CHTF18: variants seen among roughly 807,000 people sequenced by gnomAD.
The protein encoded by CHTF18 is chromosome transmission fidelity protein 18 homolog.
A neutral mutation model predicts 113.4 loss-of-function variants in CHTF18; 151 were observed. The observed-to-expected ratio is 1.33, with a 90% CI of 1.17 to 1.52. The LOEUF is 1.52. Among genes scored for constraint, CHTF18 ranks in the 40% most tolerant of loss-of-function variants. The pLI is 0.00. For missense variants in CHTF18, 1,982 were observed against 1,381.6 expected, an observed-to-expected ratio of 1.43 and a Z score of -6.89; for synonymous variants, 916 against 598.8, an observed-to-expected ratio of 1.53 and a Z score of -7.74.
In CHTF18 at chr16:790,564, G is replaced by T. The variant is rs2042168046; in HGVS notation, c.792G>T (p.Gly264=). 6.3e-7 allele frequency: 1 copy of T among 1,597,130 alleles called. No individual in the cohort carries two copies. Among genetic ancestry groups the T allele is most frequent in the African/African-American group, 1.3e-5 (1 of 74,508 alleles). ...SGEEEAAQPL[G]APEEEPTDGQ... ...AGGAGGAGGCAGCCCAGCCCTTGGG[G>T]GCCCCTGAGGAGGAGCCGACTGACG... The change falls in exon 7 of 22, where the codon GGG becomes GGT. Residue 264 remains glycine, a synonymous_variant. Coordinates refer to ENST00000262315, the MANE Select transcript of CHTF18 (RefSeq NM_022092.3).
intron 15 of CHTF18, 39 bp from the exon 16 acceptor site, chr16:795,093 G>A: frequency 5.4e-6 from 8 of 1,478,172 alleles, no homozygotes; most frequent in Non-Finnish European, 6.4e-6. Flanking sequence ...CACCTTCCCT[G>A]GGGTGGGCAG....
intron 14 of CHTF18, chr16:793,826 G>A: frequency 1.6e-6 from 1 of 639,472 alleles, no homozygotes; most frequent in Non-Finnish European, 2.8e-6. Flanking sequence ...AGAGGGTCAG[G>A]GCAGGGCTCC....
intron 4 of CHTF18, 190 bp from the exon 5 acceptor site, chr16:789,987 C>G: frequency 6.5e-7 from 1 of 1,535,252 alleles, no homozygotes; most frequent in Non-Finnish European, 8.7e-7. Context: ...CCTAAAGCTG[C>G]CCCCAATTTC....
At chr16:795,508 CCCGTGTGGCTGCCCCCGGCCCCGTG>C (rs2151648824) in intron 16 of CHTF18, among the ~76,000 whole-genome samples, 152 bp downstream of exon 16, 1 of 59,756 alleles carries the variant, frequency 1.7e-5, no homozygotes, top group East Asian at 6.2e-4. Context: ...AAACACACTG[CCCGTGTGGCTGCCCCCGGCCCCGTG>C]CCCGCCCCCC....
intron 18 of CHTF18, 53 bp downstream of exon 18, chr16:796,130 C>A: frequency 6.4e-7 from 1 of 1,562,646 alleles, no homozygotes; most frequent in South Asian, 1.2e-5. Flanking sequence ...CCCGGCTGTG[C>A]TCCATGTTCA....
In CHTF18 at chr16:794,124, C is replaced by G. The variant is rs2042274986; in HGVS notation, c.1873C>G (p.Leu625Val). ...LLLGDGDAGSLTSASQRFYRV... is the reference protein window; with the variant it reads ...LLLGDGDAGSVTSASQRFYRV... Reference sequence around the variant, plus strand: ...GCTGGGTGACGGGGACGCGGGCTCCCTCACCTCCGCCTCACAGCGATTCTA... The same window carrying G: ...GCTGGGTGACGGGGACGCGGGCTCCGTCACCTCCGCCTCACAGCGATTCTA... The change falls in exon 15 of 22, where the codon CTC becomes GTC. Residue 625 changes from leucine (L) to valine (V), a missense_variant. Leu to Val is a conservative substitution (Grantham distance 32). Transcript: ENST00000262315. The G allele has an allele frequency of 6.2e-7, 1 of 1,612,454 alleles. No homozygotes were observed. The highest frequency in any genetic ancestry group is 1.7e-5 in the Admixed American group (1 of 60,004).
chr16:789,971 C>T (rs754451227), intron 4 of CHTF18: 64 of 1,534,790 alleles, frequency 4.2e-5, no homozygotes, highest in Middle Eastern at 3.3e-4. Flanking sequence ...CCCTTTCCTC[C>T]TTTCTCCTAA....
intron 14 of CHTF18, chr16:793,814 CCA>C (rs2042265785): frequency 1.5e-6 from 1 of 651,856 alleles, no homozygotes; most frequent in Non-Finnish European, 2.7e-6. Context: ...TCCCCTAACC[CCA>C]GAGGGTCAGG....
Position 797,743 on chromosome 16 carries a change from C to CGA in CHTF18, c.2785_2786dup (p.Ser929ArgfsTer74), listed in dbSNP as rs2042394874. Reference sequence around the variant, plus strand: ...GTGGTCGTCAGGAGCACAGCAGTCCCGAGTGCAGGTGTGTGTGGGGGTGTT... The same window carrying CGA: ...GTGGTCGTCAGGAGCACAGCAGTCCCGAGAGTGCAGGTGTGTGTGGGGGTGTT... On this transcript the variant is annotated frameshift_variant, in exon 21 of 22. Coordinates refer to ENST00000262315, the MANE Select transcript of CHTF18 (RefSeq NM_022092.3). LOFTEE classifies it low-confidence loss of function (END_TRUNC). The CGA allele has an allele frequency of 6.3e-7, 1 of 1,586,072 alleles. No individual in the cohort carries two copies. The highest frequency in any genetic ancestry group is 8.5e-7 in the Non-Finnish European group (1 of 1,174,582).
rs2042161674 is a variant in CHTF18 at position 790,369 on chromosome 16, A to C, written c.722A>C (p.Glu241Ala). 1 of 1,611,556 alleles carries C rather than the reference A, an allele frequency of 6.2e-7. No individual in the cohort carries two copies. The highest frequency in any genetic ancestry group is 1.1e-5 in the South Asian group (1 of 90,878). Residue 241 changes from glutamate to alanine, a missense_variant, in exon 6 of 22, where the codon GAG becomes GCG. Coordinates refer to ENST00000262315, the MANE Select transcript of CHTF18 (RefSeq NM_022092.3). ...CAGCGGCGGGAGCGGCTGCTTCAGGAGGCCCAGAAGCTTTCAGACACCCTG... is the reference window on the plus strand; with the variant it reads ...CAGCGGCGGGAGCGGCTGCTTCAGGCGGCCCAGAAGCTTTCAGACACCCTG... ...DGERRERLLQ[E>A]AQKLSDTLHS...
intron 18 of CHTF18, among the ~76,000 whole-genome samples, chr16:796,342 G>C (rs561485106): frequency 6.6e-6 from 1 of 152,228 alleles, no homozygotes; most frequent in South Asian, 2.1e-4. Flanking sequence ...GGCCCCGAGA[G>C]TGACTGCACT....
rs779438509 is a variant in CHTF18 at position 794,192 on chromosome 16, G to T, written c.1941G>T (p.Lys647Asn). ...HAAASAGEHE[K>N]VVQGLFDNFL... Reference sequence around the variant, plus strand: ...CTGCCTCTGCGGGCGAGCACGAGAAGGTGGTCCAGGTACCTGTCTTCCACC... The same window carrying T: ...CTGCCTCTGCGGGCGAGCACGAGAATGTGGTCCAGGTACCTGTCTTCCACC... The change falls in exon 15 of 22, where the codon AAG (lysine) becomes AAT (asparagine). Residue 647 changes from lysine to asparagine, a missense_variant. Physicochemically the swap from Lys to Asn is moderately conservative, Grantham distance 94. Coordinates refer to ENST00000262315, the MANE Select transcript of CHTF18 (RefSeq NM_022092.3). 2 of 1,611,320 alleles carry T rather than the reference G, an allele frequency of 1.2e-6. No individual in the cohort carries two copies. Among genetic ancestry groups the T allele is most frequent in the Non-Finnish European group, 1.7e-6 (2 of 1,178,878 alleles).
In CHTF18 at chr16:789,310, C is replaced by A; in HGVS notation, c.387C>A (p.Asp129Glu). ...EPPPPDSSPTDITPPPSPEDL... is the reference protein window; with the variant it reads ...EPPPPDSSPTEITPPPSPEDL... ...CCCCTCCCGACTCCTCGCCGACGGA[C>A]ATCACCCCGCCGCCGAGCCCTGAGG... The change falls in exon 3 of 22, where the codon GAC (aspartate) becomes GAA (glutamate). Residue 129 changes from aspartate to glutamate, a missense_variant. Transcript: ENST00000262315. 6.2e-7 allele frequency: 1 copy of A among 1,600,480 alleles called. No homozygotes were observed. Among genetic ancestry groups the A allele is most frequent in the East Asian group, 2.3e-5 (1 of 44,240 alleles).
At chr16:790,833 GCTACTGGTCCC>G (rs2042177344) in intron 7 of CHTF18, 167 bp downstream of exon 7, 3 of 1,432,056 alleles carry the variant, frequency 2.1e-6, no homozygotes. Context: ...AGGGCTGTGT[GCTACTGGTCCC>G]CTGTGACCTG....
At chr16:790,941 C>T in intron 7 of CHTF18, 1 of 1,434,876 alleles carries the variant, frequency 7.0e-7, no homozygotes, top group Non-Finnish European at 9.1e-7. Flanking sequence ...TGGAGTGCCC[C>T]TGGGGAGGGC....
intron 14 of CHTF18, chr16:793,805 C>T (rs1021443659): frequency 2.5e-5 from 16 of 650,252 alleles, no homozygotes; most frequent in Admixed American, 1.2e-4. Flanking sequence ...TCCCTGGGGT[C>T]CCCTAACCCC....
rs775455253 is a variant in CHTF18, at chr16:789,301, G to T, written c.378G>T (p.Ser126=). 4.4e-6 allele frequency: 7 copies of T among 1,595,462 alleles called. No homozygotes were observed. Among genetic ancestry groups the T allele is most frequent in the Admixed American group, 1.7e-5 (1 of 57,680 alleles). Residue 126 remains serine (S), a synonymous_variant, in exon 3 of 22, where the codon TCG becomes TCT. Coordinates refer to ENST00000262315, the MANE Select transcript of CHTF18 (RefSeq NM_022092.3). ...AGGAGCCGCCCCCTCCCGACTCCTC[G>T]CCGACGGACATCACCCCGCCGCCGA... ...EMEEPPPPDS[S]PTDITPPPSP... is the part of the protein sequence containing the mutation.
rs575188726 is a variant in CHTF18, at chr16:789,038, C to T, written c.199C>T (p.Pro67Ser). The change falls in exon 2 of 22, where the codon CCA (proline) becomes TCA (serine). Residue 67 changes from proline (P) to serine (S), a missense_variant. Pro to Ser is a moderately conservative substitution (Grantham distance 74). Coordinates refer to ENST00000262315, the MANE Select transcript of CHTF18 (RefSeq NM_022092.3). ...ARGDAASSPA[P>S]AASVGSSQGG... ...AGGGGACGCGGCCTCCAGTCCCGCCCCAGCCGCATCTGTGGGCAGCAGCCA... is the reference window on the plus strand; with the variant it reads ...AGGGGACGCGGCCTCCAGTCCCGCCTCAGCCGCATCTGTGGGCAGCAGCCA... 2.1e-4 allele frequency: 320 copies of T among 1,538,548 alleles called. 2 individuals are homozygous for T. In the South Asian group the frequency reaches 2.6e-3, roughly 13 times the overall value.
Position 789,561 on chromosome 16 carries a change from C to A in CHTF18, c.452C>A (p.Ala151Asp). Residue 151 changes from alanine (A) to aspartate (D), a missense_variant, in exon 4 of 22, where the codon GCT (alanine) becomes GAT (aspartate). Transcript: ENST00000262315. ...TCTCTCTCCAGAGTCTCAGAAGCTG[C>A]TGCCGACGTGGGTCTCACACGGGCC... ...ELWGHGVSEA[A>D]ADVGLTRASP... 1.2e-6 allele frequency: 2 copies of A among 1,601,786 alleles called. No homozygotes were observed. The highest frequency in any genetic ancestry group is 1.7e-6 in the Non-Finnish European group (2 of 1,175,168).
Sources: allele counts gnomAD v4.1 joint callset (sites outside exome capture counted in the v4.1 genomes callset), GRCh38; gene constraint gnomAD v4.1.1; transcripts MANE v1.5; gene names NCBI Gene and HGNC (gene_info 2026-07-23, HGNC 2026-07-21).